ASF1A: variants seen among roughly 807,000 people sequenced by gnomAD.
ASF1A encodes the protein histone chaperone ASF1A.
In ASF1A, 5 loss-of-function variants were observed where a neutral mutation model predicts 22.0. The ratio of observed to expected loss-of-function variants is 0.23; its 90% CI spans 0.12 to 0.48. ASF1A has a LOEUF of 0.48. Among genes scored for constraint, ASF1A ranks in the 20% least tolerant of loss-of-function variants. The pLI is 0.99. For missense variants in ASF1A, 137 were observed against 240.6 expected (o/e 0.57, Z 2.85); for synonymous variants, 97 against 86.7 (o/e 1.12, Z -0.66).
rs1470003191 is a variant in ASF1A, at chr6:118,908,867, A to G, written c.*1253A>G. ...TTCATATCTAAAACTTTTATACTGCACTTTTTAAAGCTTTTATGTTGAGGA... is the reference window on the plus strand; with the variant it reads ...TTCATATCTAAAACTTTTATACTGCGCTTTTTAAAGCTTTTATGTTGAGGA... On this transcript the variant is annotated 3_prime_UTR_variant, in exon 4 of 4. Transcript: ENST00000229595. 1 of 152,594 alleles carries G rather than the reference A, an allele frequency of 6.6e-6. No individual in the cohort carries two copies. Among genetic ancestry groups the G allele is most frequent in the East Asian group, 1.9e-4 (1 of 5,200 alleles). The allele number at this position is 152,594 out of a possible 1,614,324, so 9.5% of individuals were successfully genotyped here.
At position 118,907,535 on chromosome 6, in the gene ASF1A, T is replaced by C; in HGVS notation, c.536T>C (p.Leu179Ser). The change falls in exon 4 of 4, where the codon TTA becomes TCA. Residue 179 changes from leucine (L) to serine (S), a missense_variant. Coordinates refer to ENST00000229595, the MANE Select transcript of ASF1A (RefSeq NM_014034.3). Reference sequence around the variant, plus strand: ...CAGTCACTTCTTTCAACAGATGCATTACCTTCAGCATCAAAGGGATGGTCC... The same window carrying C: ...CAGTCACTTCTTTCAACAGATGCATCACCTTCAGCATCAAAGGGATGGTCC... The part of the protein sequence containing the change: ...NLQSLLSTDA[L>S]PSASKGWSTS... 1 of 1,613,570 alleles carries C rather than the reference T, an allele frequency of 6.2e-7. No individual in the cohort carries two copies. Among genetic ancestry groups the C allele is most frequent in the Non-Finnish European group, 8.5e-7 (1 of 1,179,596 alleles).
chr6:118,894,629 C>A, intron 1 of ASF1A, 107 bp downstream of exon 1: 1 of 998,806 alleles, frequency 1.0e-6, no homozygotes, highest in Non-Finnish European at 1.5e-6. Context: ...GCCTGGCGGC[C>A]GCGGGCTGCT....
chr6:118,903,691 C>T (rs538385320), intron 2 of ASF1A, among the ~76,000 whole-genome samples: 21 of 152,224 alleles, frequency 1.4e-4, no homozygotes, highest in African/African-American at 4.8e-4. Flanking sequence ...AGGATGTGAG[C>T]GAAGGACCTT....
intron 1 of ASF1A, among the ~76,000 whole-genome samples, chr6:118,898,104 A>G (rs1779557842): frequency 6.6e-6 from 1 of 152,208 alleles, no homozygotes; most frequent in Admixed American, 6.5e-5. Flanking sequence ...TTGTAGTTAC[A>G]GAGGCATAGC....
At position 118,907,277 on chromosome 6, in the gene ASF1A, T is replaced by TAC. The variant is rs1434949398; in HGVS notation, c.403-124_403-123dup. The TAC allele has an allele frequency of 4.6e-6, 3 of 645,938 alleles. No homozygotes were observed. In the African/African-American group the frequency reaches 5.5e-5, roughly 12 times the overall value. The allele number at this position is 645,938 out of a possible 1,614,324, so 40.0% of individuals were successfully genotyped here. A position where few individuals can be genotyped will look rare whatever the true frequency, so the allele number is the denominator to read the frequency against. ...TATTTAAGGTACTTAACTTGAATTATACCTTTGTATATGAACTTAGCCCTT... is the reference window on the plus strand; with the variant it reads ...TATTTAAGGTACTTAACTTGAATTATACACCTTTGTATATGAACTTAGCCCTT... On this transcript the variant is annotated intron_variant, in intron 3 of 3. Transcript: ENST00000229595.
intron 2 of ASF1A, among the ~76,000 whole-genome samples, chr6:118,905,189 G>A (rs1780090937): frequency 1.3e-5 from 2 of 152,184 alleles, no homozygotes; most frequent in African/African-American, 4.8e-5. Flanking sequence ...GGGTGGTTGA[G>A]TGGGTATGAG....
rs1219955794 is a variant in ASF1A, at chr6:118,908,135, A to C, written c.*521A>C. On this transcript the variant is annotated 3_prime_UTR_variant, in exon 4 of 4. Transcript: ENST00000229595. The stretch of plus-strand genomic sequence containing the variant: ...ATGCTACCAAGAACTTTAGGATCCA[A>C]TTTTCCAAGCCACCGTGAAGCCTCT... 1 of 152,764 alleles carries C rather than the reference A, an allele frequency of 6.5e-6. No individual in the cohort carries two copies. Among genetic ancestry groups the C allele is most frequent in the Non-Finnish European group, 1.5e-5 (1 of 68,470 alleles). The allele number at this position is 152,764 out of a possible 1,614,324, so 9.5% of individuals were successfully genotyped here. A position where few individuals can be genotyped will look rare whatever the true frequency, so the allele number is the denominator to read the frequency against.
At chr6:118,903,880 C>T (rs1423563472) in intron 2 of ASF1A, among the ~76,000 whole-genome samples, 1 of 152,170 alleles carries the variant, frequency 6.6e-6, no homozygotes, top group Non-Finnish European at 1.5e-5. Context: ...AGCCACCGTG[C>T]TCAGAGCGTG....
intron 3 of ASF1A, among the ~76,000 whole-genome samples, chr6:118,906,480 A>T (rs1006697363): frequency 6.6e-6 from 1 of 152,176 alleles, no homozygotes; most frequent in African/African-American, 2.4e-5. Context: ...AGGACAAACA[A>T]ATGCATTTTT....
chr6:118,904,818 C>G (rs1780059714), intron 2 of ASF1A, among the ~76,000 whole-genome samples: 1 of 152,114 alleles, frequency 6.6e-6, no homozygotes, highest in Non-Finnish European at 1.5e-5. Context: ...TGCTATGTAG[C>G]TATTTCCATC....
chr6:118,907,852 G>T lies in ASF1A; in HGVS notation c.*238G>T. ...TTGTTCTGAAACTAATCTGATTAAA[G>T]CATATATATTATTTTCTTCTCCTTT... On this transcript the variant is annotated 3_prime_UTR_variant, in exon 4 of 4. Coordinates refer to ENST00000229595, the MANE Select transcript of ASF1A (RefSeq NM_014034.3). 2.6e-6 allele frequency: 1 copy of T among 392,014 alleles called. No individual in the cohort carries two copies. Among genetic ancestry groups the T allele is most frequent in the Middle Eastern group, 7.3e-4 (1 of 1,378 alleles). The allele number at this position is 392,014 out of a possible 1,614,324, so 24.3% of individuals were successfully genotyped here. A position where few individuals can be genotyped will look rare whatever the true frequency, so the allele number is the denominator to read the frequency against.
intron 2 of ASF1A, among the ~76,000 whole-genome samples, chr6:118,902,278 C>T (rs556844009): frequency 6.6e-6 from 1 of 152,230 alleles, no homozygotes; most frequent in South Asian, 2.1e-4. Context: ...CTTAGTCATT[C>T]CAGTCTTCTA....
chr6:118,904,025 T>C (rs2114539293), intron 2 of ASF1A, among the ~76,000 whole-genome samples: 1 of 152,346 alleles, frequency 6.6e-6, no homozygotes, highest in Non-Finnish European at 1.5e-5. Context: ...GTTAAAGAAC[T>C]GAGATTTTAT....
At chr6:118,897,259 A>T (rs1779486284) in intron 1 of ASF1A, among the ~76,000 whole-genome samples, 1 of 152,116 alleles carries the variant, frequency 6.6e-6, no homozygotes, top group Non-Finnish European at 1.5e-5. Context: ...ACTTTCCTTT[A>T]AGAGCTGCCC....
intron 1 of ASF1A, among the ~76,000 whole-genome samples, chr6:118,897,810 TAAATG>T (rs1779532136): frequency 6.6e-6 from 1 of 151,682 alleles, no homozygotes; most frequent in Non-Finnish European, 1.5e-5. Context: ...GCAGAGGAAT[TAAATG>T]AAAGCTGGGT....
intron 1 of ASF1A, among the ~76,000 whole-genome samples, chr6:118,900,541 C>T (rs1210644919): frequency 1.3e-5 from 2 of 152,322 alleles, no homozygotes; most frequent in East Asian, 1.9e-4. Flanking sequence ...TTGTGAGGCA[C>T]TGTCCAGGAA....
At position 118,903,288 on chromosome 6, in the gene ASF1A, G is replaced by T. The variant is rs375834187; in HGVS notation, c.226-2364G>T. On this transcript the variant is annotated intron_variant, in intron 2 of 3. Coordinates refer to ENST00000229595, the MANE Select transcript of ASF1A (RefSeq NM_014034.3). ...AAGTAATCTAACCCCTCTGTGCAGG[G>T]GTGTGTAGAATCTCTAAGACAAACA... Among the ~76,000 whole-genome samples the T allele has an allele frequency of 2.0e-4, 30 of 152,140 alleles. No homozygotes were observed. The East Asian group carries it at 5.6e-3, about 28-fold the overall frequency.
At chr6:118,906,126 G>A (rs1049517525) in intron 3 of ASF1A, among the ~76,000 whole-genome samples, 9 of 152,122 alleles carry the variant, frequency 5.9e-5, no homozygotes, top group African/African-American at 1.4e-4. Flanking sequence ...AGGCTGGAGC[G>A]CAGTGGCATG....
At chr6:118,903,648 A>G (rs1237959638) in intron 2 of ASF1A, among the ~76,000 whole-genome samples, 1 of 152,260 alleles carries the variant, frequency 6.6e-6, no homozygotes, top group Non-Finnish European at 1.5e-5. Context: ...CACTCGATGT[A>G]AGCTCCAAAA....
Sources: allele counts gnomAD v4.1 joint callset (sites outside exome capture counted in the v4.1 genomes callset), GRCh38; gene constraint gnomAD v4.1.1; transcripts MANE v1.5; gene names NCBI Gene and HGNC (gene_info 2026-07-23, HGNC 2026-07-21).